The following DPP6 variants were observed in gnomAD, a reference collection of about 807,000 sequenced individuals.
The protein encoded by DPP6 is A-type potassium channel modulatory protein DPP6.
A neutral mutation model predicts 122.6 loss-of-function variants in DPP6; 69 were observed. The observed-to-expected ratio is 0.56, with a 90% CI of 0.46 to 0.69. The LOEUF (loss-of-function observed/expected upper bound fraction) is 0.69, where lower values mean the gene tolerates loss of function less well. DPP6 is among the 30% of genes least tolerant of loss of function. The pLI, the probability that DPP6 is intolerant of heterozygous loss-of-function variation, is 0.00. For missense variants in DPP6, 928 were observed against 1,116.9 expected (o/e 0.83, Z 2.41); for synonymous variants, 418 against 433.1 (o/e 0.97, Z 0.43).
chr7:154,217,925 G>T (rs1263209642), intron 1 of DPP6, among the ~76,000 whole-genome samples: 1 of 152,228 alleles, frequency 6.6e-6, no homozygotes, highest in African/African-American at 2.4e-5. Context: ...GCCAGATCTG[G>T]AGCAGCTGGC....
intron 1 of DPP6, among the ~76,000 whole-genome samples, chr7:154,136,879 G>A: frequency 6.6e-6 from 1 of 152,248 alleles, no homozygotes; most frequent in Middle Eastern, 3.2e-3. Flanking sequence ...TCCAGCTGGT[G>A]AGTGTGGTCC....
At chr7:154,201,406 G>C (rs1321376842) in intron 1 of DPP6, among the ~76,000 whole-genome samples, 1 of 152,210 alleles carries the variant, frequency 6.6e-6, no homozygotes, top group Admixed American at 6.5e-5. Flanking sequence ...TGGGATTACA[G>C]ATGTGAGCCA....
chr7:154,627,198 T>C (rs992176101), intron 5 of DPP6, among the ~76,000 whole-genome samples: 1 of 139,524 alleles, frequency 7.2e-6, no homozygotes, highest in African/African-American at 2.7e-5. Context: ...CCTTTTTTTT[T>C]TTTTTTTTTT....
chr7:154,518,379 C>G (rs1263469547), intron 3 of DPP6, among the ~76,000 whole-genome samples: 2 of 152,126 alleles, frequency 1.3e-5, no homozygotes, highest in Non-Finnish European at 2.9e-5. Context: ...TAAACTAAGT[C>G]AGGATTTTGA....
intron 1 of DPP6, among the ~76,000 whole-genome samples, chr7:154,197,039 C>T (rs893304586): frequency 1.3e-5 from 2 of 151,920 alleles, no homozygotes; most frequent in African/African-American, 4.8e-5. Flanking sequence ...ATAAAGTCTC[C>T]CTTTCTGAAT....
At chr7:154,414,680 A>G (rs1816871269) in intron 1 of DPP6, among the ~76,000 whole-genome samples, 1 of 152,154 alleles carries the variant, frequency 6.6e-6, no homozygotes, top group South Asian at 2.1e-4. Context: ...CCTTTCTGTG[A>G]GGTTGCCATC....
At chr7:154,097,698 C>T (rs1805428704) in intron 1 of DPP6, among the ~76,000 whole-genome samples, 1 of 152,266 alleles carries the variant, frequency 6.6e-6, no homozygotes. Flanking sequence ...CTGGCTGGTA[C>T]TCTGGCTCAG....
chr7:154,701,023 C>A (rs1226416887), intron 7 of DPP6, among the ~76,000 whole-genome samples: 1 of 152,108 alleles, frequency 6.6e-6, no homozygotes, highest in African/African-American at 2.4e-5. Flanking sequence ...CCCCATCACC[C>A]CCCATCTGCC....
the DPP6 span, among the ~76,000 whole-genome samples, chr7:153,790,640 C>G: frequency 1.3e-5 from 2 of 152,152 alleles, no homozygotes; most frequent in South Asian, 2.1e-4. Context: ...ATTAGTCCTT[C>G]CTCATAATCG....
At chr7:154,858,723 T>C (rs1803050799) in intron 17 of DPP6, among the ~76,000 whole-genome samples, 1 of 152,178 alleles carries the variant, frequency 6.6e-6, no homozygotes, top group Admixed American at 6.5e-5. Context: ...CTGCAGCAGC[T>C]CAGCCTCCAT....
rs554530378 is a variant in DPP6, at chr7:154,220,122, T to C, written c.243+167059T>C. ...TGTATGTTCTCCCTCAAAATGCCTA[T>C]GTTGGCACTTAAACCCTAATGTGAT... On this transcript the variant is annotated intron_variant, in intron 1 of 25. Transcript: ENST00000377770. 5.0e-4 allele frequency among the ~76,000 whole-genome samples: 76 copies of C among 152,318 alleles called. 1 individual carries two copies. The highest frequency in any genetic ancestry group is 6.8e-3 in the Middle Eastern group (2 of 294).
At chr7:154,459,575 ATC>A (rs1177256048) in intron 2 of DPP6, among the ~76,000 whole-genome samples, 1 of 152,152 alleles carries the variant, frequency 6.6e-6, no homozygotes, top group African/African-American at 2.4e-5. Context: ...TCATCCTGTA[ATC>A]TCAGCACTTT....
intron 1 of DPP6, among the ~76,000 whole-genome samples, chr7:153,981,868 GC>G (rs1363895964): frequency 4.6e-5 from 7 of 151,688 alleles, no homozygotes; most frequent in Non-Finnish European, 8.8e-5. Context: ...TTGACTATTG[GC>G]CCCCACTCTC....
chr7:154,006,350 C>A (rs1000956723), intron 1 of DPP6, among the ~76,000 whole-genome samples: 1 of 151,772 alleles, frequency 6.6e-6, no homozygotes, highest in African/African-American at 2.4e-5. Flanking sequence ...ATTGAGATGG[C>A]CTTTGTTCAA....
In DPP6 at chr7:154,847,851, A is replaced by T. The variant is rs563462759; in HGVS notation, c.1667-5929A>T. 7.2e-5 allele frequency among the ~76,000 whole-genome samples: 11 copies of T among 152,274 alleles called. No homozygotes were observed. In the East Asian group the frequency reaches 2.1e-3, roughly 29 times the overall value. On this transcript the variant is annotated intron_variant, in intron 16 of 25. Coordinates refer to ENST00000377770, the MANE Select transcript of DPP6 (RefSeq NM_130797.4). ...CGCCCCCTCACTTCAGCCTCTGGTA[A>T]CCATCTTTCTACTCTTTGTTTCTAC...
chr7:154,655,501 G>A (rs887360239), intron 6 of DPP6, among the ~76,000 whole-genome samples: 13 of 152,014 alleles, frequency 8.6e-5, no homozygotes, highest in African/African-American at 3.1e-4. Flanking sequence ...TTAAAATAAA[G>A]GAATAAATAA....
At chr7:153,839,399 G>T in the DPP6 span, among the ~76,000 whole-genome samples, 1 of 152,288 alleles carries the variant, frequency 6.6e-6, no homozygotes, top group South Asian at 2.1e-4. Context: ...ACAATTACTT[G>T]CCAGAGGTTT....
chr7:153,898,841 A>G (rs550996361), intron 1 of DPP6, among the ~76,000 whole-genome samples: 4 of 152,234 alleles, frequency 2.6e-5, no homozygotes, highest in Non-Finnish European at 5.9e-5. Flanking sequence ...CTAAGTTTGC[A>G]TAGTCACCTC....
intron 1 of DPP6, among the ~76,000 whole-genome samples, chr7:154,232,937 A>G (rs1012492853): frequency 5.9e-5 from 9 of 152,346 alleles, no homozygotes; most frequent in African/African-American, 1.9e-4. Flanking sequence ...AAAGTCTGCA[A>G]GGAGGTTCTC....
Sources: allele counts gnomAD v4.1 joint callset (sites outside exome capture counted in the v4.1 genomes callset), GRCh38; gene constraint gnomAD v4.1.1; transcripts MANE v1.5; gene names NCBI Gene and HGNC (gene_info 2026-07-23, HGNC 2026-07-21).